The following IQCM variants were observed in gnomAD, a reference collection of about 807,000 sequenced individuals.
The protein encoded by IQCM is IQ domain-containing protein M.
Under a neutral mutation model 57.6 loss-of-function variants are expected in IQCM, and 45 were observed. That is an observed-to-expected ratio of 0.78 (90% CI 0.62 to 1.00). The LOEUF is 1.00. IQCM is among the 50% of genes least tolerant of loss of function. IQCM has a pLI of 0.00. For synonymous variants in IQCM, 148 were observed against 158.9 expected, an observed-to-expected ratio of 0.93 and a Z score of 0.51; for missense variants, 468 against 511.6, an observed-to-expected ratio of 0.91 and a Z score of 0.82.
intron 12 of IQCM, among the ~76,000 whole-genome samples, chr4:149,449,751 G>C (rs989572696): frequency 5.3e-5 from 8 of 151,644 alleles, no homozygotes; most frequent in African/African-American, 1.5e-4. Flanking sequence ...TGGATTGAAA[G>C]AATCAGTTTT....
At chr4:149,393,452 T>G (rs1256803200) in intron 13 of IQCM, among the ~76,000 whole-genome samples, 1 of 151,618 alleles carries the variant, frequency 6.6e-6, no homozygotes, top group Non-Finnish European at 1.5e-5. Flanking sequence ...AGCATTTTTT[T>G]AAAAAGAATA....
intron 2 of IQCM, among the ~76,000 whole-genome samples, chr4:149,808,500 AATAATTTATC>A (rs1464958551): frequency 6.6e-6 from 1 of 152,166 alleles, no homozygotes; most frequent in African/African-American, 2.4e-5. Context: ...AATTATAGTT[AATAATTTATC>A]ATAATTTATC....
chr4:149,671,258 G>C (rs968032041), intron 7 of IQCM, among the ~76,000 whole-genome samples: 3 of 152,122 alleles, frequency 2.0e-5, no homozygotes, highest in Admixed American at 1.3e-4. Flanking sequence ...AGATTATCTA[G>C]GTTATTTGCG....
intron 12 of IQCM, among the ~76,000 whole-genome samples, chr4:149,522,459 A>T (rs1745750744): frequency 6.6e-6 from 1 of 152,228 alleles, no homozygotes; most frequent in South Asian, 2.1e-4. Context: ...ACGTAAGAAA[A>T]CATACCATTA....
chr4:149,629,452 C>G (rs943139372), intron 7 of IQCM, among the ~76,000 whole-genome samples: 4 of 151,960 alleles, frequency 2.6e-5, no homozygotes, highest in Non-Finnish European at 5.9e-5. Context: ...GAGTTTTCTC[C>G]ATTTTAGCAA....
intron 13 of IQCM, among the ~76,000 whole-genome samples, chr4:149,361,599 C>T (rs1214867029): frequency 6.6e-6 from 1 of 152,162 alleles, no homozygotes; most frequent in Non-Finnish European, 1.5e-5. Context: ...GGTTGCAAGC[C>T]CCAAGCTGTG....
At chr4:149,628,678 A>G (rs915156889) in intron 7 of IQCM, among the ~76,000 whole-genome samples, 1 of 152,206 alleles carries the variant, frequency 6.6e-6, no homozygotes, top group Non-Finnish European at 1.5e-5. Context: ...GAATCATCTG[A>G]CTATTGGAGT....
chr4:149,587,005 A>G (rs1579591442), intron 9 of IQCM, among the ~76,000 whole-genome samples: 1 of 151,570 alleles, frequency 6.6e-6, no homozygotes, highest in South Asian at 2.1e-4. Flanking sequence ...TCAGCCCATA[A>G]TTTTAGAAGA....
At chr4:149,598,767 A>C (rs985407166) in intron 8 of IQCM, among the ~76,000 whole-genome samples, 8 of 152,226 alleles carry the variant, frequency 5.3e-5, no homozygotes, top group Admixed American at 6.5e-5. Context: ...ATATGAAGCA[A>C]TGGAGACTCT....
intron 8 of IQCM, among the ~76,000 whole-genome samples, chr4:149,589,296 T>C (rs967928084): frequency 1.3e-5 from 2 of 151,998 alleles, no homozygotes; most frequent in African/African-American, 4.8e-5. Flanking sequence ...AAAAATTTAT[T>C]GGTCAGTGAT....
intron 2 of IQCM, among the ~76,000 whole-genome samples, chr4:149,773,844 T>G (rs902989168): frequency 2.0e-5 from 3 of 152,166 alleles, no homozygotes; most frequent in African/African-American, 4.8e-5. Context: ...CAATTTATCC[T>G]GATTACCTAT....
chr4:149,462,885 G>A (rs1403271499), intron 12 of IQCM, among the ~76,000 whole-genome samples: 2 of 152,318 alleles, frequency 1.3e-5, no homozygotes, highest in African/African-American at 4.8e-5. Context: ...AATCTGAGCT[G>A]CAGAGAATGA....
chr4:149,754,992 T>G (rs779837574), intron 2 of IQCM, among the ~76,000 whole-genome samples: 15 of 152,242 alleles, frequency 9.9e-5, no homozygotes, highest in Non-Finnish European at 2.1e-4. Context: ...TTCCAGTTAC[T>G]GAGGCCAGAC....
intron 7 of IQCM, among the ~76,000 whole-genome samples, chr4:149,635,505 A>G (rs1333067958): frequency 1.3e-5 from 2 of 152,240 alleles, no homozygotes; most frequent in African/African-American, 4.8e-5. Context: ...TCTCCTGCCT[A>G]CTACAAAAAG....
At chr4:149,662,644 TTTATCA>T (rs1760325924) in intron 7 of IQCM, among the ~76,000 whole-genome samples, 1 of 152,036 alleles carries the variant, frequency 6.6e-6, no homozygotes, top group Non-Finnish European at 1.5e-5. Flanking sequence ...AGTTAATCCC[TTTATCA>T]TTATATAACC....
chr4:149,422,718 C>A (rs1000855791), intron 13 of IQCM, among the ~76,000 whole-genome samples: 11 of 152,030 alleles, frequency 7.2e-5, no homozygotes, highest in Non-Finnish European at 1.6e-4. Context: ...CATGAACAAG[C>A]CACTTAGCCT....
chr4:149,441,149 G>A (rs546736781), intron 12 of IQCM, among the ~76,000 whole-genome samples: 1 of 152,194 alleles, frequency 6.6e-6, no homozygotes. Context: ...CATCTTTACT[G>A]AAGCATGAAA....
At chr4:149,383,551 C>T (rs1323994360) in intron 13 of IQCM, among the ~76,000 whole-genome samples, 1 of 152,156 alleles carries the variant, frequency 6.6e-6, no homozygotes, top group Non-Finnish European at 1.5e-5. Context: ...AAGTCTTCAG[C>T]TACAAAATCT....
At chr4:149,621,692 A>C (rs1376887696) in intron 7 of IQCM, among the ~76,000 whole-genome samples, 10 of 152,216 alleles carry the variant, frequency 6.6e-5, no homozygotes, top group Admixed American at 6.5e-4. Flanking sequence ...AAGTAAATTA[A>C]ATTATTAAAA....
Sources: gnomAD v4.1 joint callset for allele counts (sites outside exome capture counted in the v4.1 genomes callset) on GRCh38, gnomAD v4.1.1 for gene constraint, MANE v1.5 for transcripts, NCBI Gene and HGNC (gene_info 2026-07-23, HGNC 2026-07-21) for gene names.